ATP7A: variants seen among roughly 807,000 people sequenced by gnomAD.
ATP7A encodes the protein copper-transporting ATPase 1.
Under a neutral mutation model 83.5 loss-of-function variants are expected in ATP7A, and 7 were observed. That is an observed-to-expected ratio of 0.08 (90% CI 0.05 to 0.16). The LOEUF is 0.16. Ranked by LOEUF, ATP7A falls within the 10% of genes least tolerant of loss-of-function variation. ATP7A has a pLI of 1.00. For synonymous variants in ATP7A, 354 were observed against 395.2 expected, an observed-to-expected ratio of 0.90 and a Z score of 1.24; for missense variants, 940 against 1,120.8, an observed-to-expected ratio of 0.84 and a Z score of 2.30.
chrX:77,971,832 T>C lies in ATP7A; in HGVS notation c.120+71T>C, dbSNP rs2077549250. ...TTCTACTAGAAATTACTTCTAACAA[T>C]GAGATAGAAGCAGACACACTGACAC... On this transcript the variant is annotated intron_variant, in intron 2 of 22. Transcript: ENST00000341514. The C allele has an allele frequency of 2.7e-6, 3 of 1,105,224 alleles. No individual in the cohort carries two copies. In the East Asian group the frequency reaches 9.0e-5, roughly 33 times the overall value. 91.1% of individuals were successfully genotyped at this position (1,105,224 alleles called of 1,213,427 possible). A position where few individuals can be genotyped will look rare whatever the true frequency, so the allele number is the denominator to read the frequency against.
rs1478387170 is a variant in ATP7A, at chrX:78,048,651, C to CAA, written c.*2083_*2084dup. On this transcript the variant is annotated 3_prime_UTR_variant, in exon 23 of 23. Coordinates refer to ENST00000341514, the MANE Select transcript of ATP7A (RefSeq NM_000052.7). ...TGAAGGTGCTATTAATCTAGAAAGG[C>CAA]AAACCCATTTCACTGAAATATCAAT... The CAA allele has an allele frequency of 8.9e-6, 1 of 112,061 alleles. No homozygotes were observed. The highest frequency in any genetic ancestry group is 3.2e-5 in the African/African-American group (1 of 30,777). 9.2% of individuals were successfully genotyped at this position (112,061 alleles called of 1,213,427 possible). A position where few individuals can be genotyped will look rare whatever the true frequency, so the allele number is the denominator to read the frequency against.
Position 78,049,115 on chromosome X carries a change from T to C in ATP7A, c.*2545T>C, listed in dbSNP as rs1241808456. 8.9e-6 allele frequency: 1 copy of C among 112,201 alleles called. No individual in the cohort carries two copies. The highest frequency in any genetic ancestry group is 1.9e-5 in the Non-Finnish European group (1 of 53,223). The allele number at this position is 112,201 out of a possible 1,213,427, so 9.2% of individuals were successfully genotyped here. On this transcript the variant is annotated 3_prime_UTR_variant, in exon 23 of 23. Coordinates refer to ENST00000341514, the MANE Select transcript of ATP7A (RefSeq NM_000052.7). ...AAGTCTTTTTTGCAATCTTGAACTT[T>C]CATTAGCTTCAAAGAGAAGCTGTAT... is the stretch of plus-strand genomic sequence containing the variant.
rs185018833 is a variant in ATP7A at position 78,005,406 on chromosome X, G to A, written c.1707+2170G>A. ...TTTATAAAACAATATTGGAGGCTGGGTGCGGTGGCTCATGCCTGTAATCCC... is the reference window on the plus strand; with the variant it reads ...TTTATAAAACAATATTGGAGGCTGGATGCGGTGGCTCATGCCTGTAATCCC... On this transcript the variant is annotated intron_variant, in intron 6 of 22. Transcript: ENST00000341514. Among the ~76,000 whole-genome samples, 98 of 110,616 alleles carry A rather than the reference G, an allele frequency of 8.9e-4. 1 individual carries two copies. The highest frequency in any genetic ancestry group is 1.5e-3 in the Non-Finnish European group (77 of 52,896).
At chrX:77,913,259 T>C (rs1301336775) in intron 1 of ATP7A, among the ~76,000 whole-genome samples, 2 of 112,018 alleles carry the variant, frequency 1.8e-5, no homozygotes, top group Non-Finnish European at 3.8e-5. Context: ...TCTGAACTCA[T>C]AGAAGCACTA....
Position 78,046,511 on chromosome X carries a change from C to T in ATP7A, c.4444C>T (p.Pro1482Ser). 8.3e-7 allele frequency: 1 copy of T among 1,211,410 alleles called. No individual in the cohort carries two copies. The highest frequency in any genetic ancestry group is 1.1e-6 in the Non-Finnish European group (1 of 895,325). Residue 1482 changes from proline to serine, a missense_variant, in exon 23 of 23, where the codon CCT becomes TCT. By Grantham distance (74) the Pro-to-Ser change is moderately conservative. Around this residue, in one of 3 missense-constraint regions of ATP7A, gnomAD observed 386 missense variants for 502.2 expected, o/e 0.77. Coordinates refer to ENST00000341514, the MANE Select transcript of ATP7A (RefSeq NM_000052.7). Reference sequence around the variant, plus strand: ...CCTAAACAGTGTTGTTACCAGTGAACCTGACAAGCACTCACTCCTGGTGGG... The same window carrying T: ...CCTAAACAGTGTTGTTACCAGTGAATCTGACAAGCACTCACTCCTGGTGGG... ...RSLNSVVTSE[P>S]DKHSLLVGDF...
At chrX:77,972,399 C>G (rs1355452532) in intron 2 of ATP7A, among the ~76,000 whole-genome samples, 1 of 110,837 alleles carries the variant, frequency 9.0e-6, no homozygotes, top group African/African-American at 3.3e-5. Flanking sequence ...GCTGCCCAGG[C>G]TGGAGTGCAG....
intron 1 of ATP7A, among the ~76,000 whole-genome samples, chrX:77,955,979 T>C (rs1214505170): frequency 3.6e-5 from 4 of 111,218 alleles, no homozygotes; most frequent in African/African-American, 1.3e-4. Flanking sequence ...AATTTTATTC[T>C]TTTTTATGGC....
intron 1 of ATP7A, among the ~76,000 whole-genome samples, chrX:77,970,545 G>A (rs1182296125): frequency 9.0e-6 from 1 of 111,194 alleles, no homozygotes; most frequent in Non-Finnish European, 1.9e-5. Context: ...GGTGGCATGC[G>A]CCCGTAATCT....
At position 77,988,500 on chromosome X, in the gene ATP7A, G is replaced by A. The variant is rs1557231620; in HGVS notation, c.379G>A (p.Val127Met). The change falls in exon 3 of 23, where the codon GTG (valine) becomes ATG (methionine). Residue 127 changes from valine to methionine, a missense_variant. By Grantham distance (21) the Val-to-Met change is conservative. Coordinates refer to ENST00000341514, the MANE Select transcript of ATP7A (RefSeq NM_000052.7). ...TTACCCTCAGAAAAGAACTGTAGCA[G>A]TGACAATAATCCCTTCTATAGTGAA... ...KIYPQKRTVA[V>M]TIIPSIVNAN... 3 of 1,211,738 alleles carry A rather than the reference G, an allele frequency of 2.5e-6. No homozygotes were observed. The highest frequency in any genetic ancestry group is 5.9e-5 in the East Asian group (2 of 33,848).
chrX:77,932,233 C>T (rs1197467955), intron 1 of ATP7A, among the ~76,000 whole-genome samples: 9 of 108,604 alleles, frequency 8.3e-5, no homozygotes, highest in Non-Finnish European at 1.3e-4. Flanking sequence ...GACGGGGTCG[C>T]GGCCGGGCAG....
intron 17 of ATP7A, among the ~76,000 whole-genome samples, chrX:78,035,719 T>G (rs2078009349): frequency 8.9e-6 from 1 of 111,914 alleles, no homozygotes; most frequent in African/African-American, 3.3e-5. Context: ...GGTGTGTCAT[T>G]TCCTTATTAG....
chrX:78,030,541 A>G (rs2077976465), intron 15 of ATP7A, among the ~76,000 whole-genome samples: 1 of 111,382 alleles, frequency 9.0e-6, no homozygotes, highest in Non-Finnish European at 1.9e-5. Flanking sequence ...TAGTACAACT[A>G]TCAAAATCAA....
At chrX:78,010,149 G>A (rs2077807839) in intron 7 of ATP7A, among the ~76,000 whole-genome samples, 1 of 112,463 alleles carries the variant, frequency 8.9e-6, no homozygotes, top group African/African-American at 3.2e-5. Context: ...CTGAGTACCT[G>A]CTATGTGCCA....
rs1168373042 is a variant in ATP7A, at chrX:77,969,381, G to A, written c.-21-2240G>A. ...GACCCCCATAGTGCCGCTCATTGAG[G>A]CGCCAAGTCCTCACCACTGGCAGCC... On this transcript the variant is annotated intron_variant, in intron 1 of 22. Coordinates refer to ENST00000341514, the MANE Select transcript of ATP7A (RefSeq NM_000052.7). 7 of 1,208,240 alleles carry A rather than the reference G, an allele frequency of 5.8e-6. No homozygotes were observed. The East Asian group carries it at 2.1e-4, about 36-fold the overall frequency.
chrX:78,018,753 G>A (rs1200072541), intron 12 of ATP7A, among the ~76,000 whole-genome samples: 5 of 112,112 alleles, frequency 4.5e-5, no homozygotes, highest in African/African-American at 1.6e-4. Flanking sequence ...CCAACGCTGG[G>A]TAATTTATGA....
At chrX:78,004,359 A>G (rs1241784008) in intron 6 of ATP7A, among the ~76,000 whole-genome samples, 3 of 112,480 alleles carry the variant, frequency 2.7e-5, no homozygotes, top group Admixed American at 1.9e-4. Flanking sequence ...TTCAACATTG[A>G]AATTTTTACA....
chrX:78,033,942 C>G (rs1373854299), intron 17 of ATP7A, 121 bp downstream of exon 17: 6 of 651,600 alleles, frequency 9.2e-6, no homozygotes, highest in Non-Finnish European at 1.5e-5. Context: ...TTCCTCAAGT[C>G]AATACCCTAT....
At chrX:77,937,202 G>A (rs782288116) in intron 1 of ATP7A, among the ~76,000 whole-genome samples, 1 of 112,515 alleles carries the variant, frequency 8.9e-6, no homozygotes, top group South Asian at 3.6e-4. Flanking sequence ...GGAGGTATTT[G>A]TGAAATCTCT....
intron 6 of ATP7A, among the ~76,000 whole-genome samples, chrX:78,005,957 A>G (rs1347446663): frequency 9.0e-6 from 1 of 111,415 alleles, no homozygotes; most frequent in African/African-American, 3.3e-5. Context: ...AGCACCCCAA[A>G]ATTTCTTTTC....
Sources: gnomAD v4.1 joint callset for allele counts (sites outside exome capture counted in the v4.1 genomes callset) on GRCh38, gnomAD v4.1.1 for gene constraint, gnomAD v4.1.1 regional missense constraint, MANE v1.5 for transcripts, NCBI Gene and HGNC (gene_info 2026-07-23, HGNC 2026-07-21) for gene names.